The following HHAT variants were observed in gnomAD, a reference collection of about 807,000 sequenced individuals.
The protein encoded by HHAT is protein-cysteine N-palmitoyltransferase HHAT.
In HHAT, 47 loss-of-function variants were observed where a neutral mutation model predicts 70.8. That is an observed-to-expected ratio of 0.66 (90% CI 0.53 to 0.85). The LOEUF (loss-of-function observed/expected upper bound fraction) is 0.85, where lower values mean the gene tolerates loss of function less well. Among genes scored for constraint, HHAT ranks in the 40% least tolerant of loss-of-function variants. The pLI is 0.00. For missense variants in HHAT, 609 were observed against 604.8 expected (o/e 1.01, Z -0.07); for synonymous variants, 228 against 247.6 (o/e 0.92, Z 0.74).
intron 11 of HHAT, among the ~76,000 whole-genome samples, chr1:210,658,190 C>G (rs965523564): frequency 6.6e-6 from 1 of 152,136 alleles, no homozygotes; most frequent in African/African-American, 2.4e-5. Context: ...TGTTCCGGCC[C>G]ACATGCTGTC....
chr1:210,493,008 T>C (rs2094575212), intron 8 of HHAT, among the ~76,000 whole-genome samples: 1 of 152,132 alleles, frequency 6.6e-6, no homozygotes, highest in Non-Finnish European at 1.5e-5. Flanking sequence ...CTCATTTTTC[T>C]ACTAATGCCT....
intron 10 of HHAT, among the ~76,000 whole-genome samples, chr1:210,605,872 T>C (rs919442155): frequency 1.3e-5 from 2 of 152,104 alleles, no homozygotes; most frequent in African/African-American, 2.4e-5. Context: ...TTTTCCTCTT[T>C]TGAGGCAGAG....
intron 9 of HHAT, among the ~76,000 whole-genome samples, chr1:210,547,531 GC>G (rs1442158811): frequency 6.6e-6 from 1 of 152,096 alleles, no homozygotes; most frequent in Non-Finnish European, 1.5e-5. Flanking sequence ...TGTGATGAGG[GC>G]ATATTTATTT....
At chr1:210,514,536 T>C (rs548185114) in intron 9 of HHAT, among the ~76,000 whole-genome samples, 114 of 152,324 alleles carry the variant, frequency 7.5e-4, no homozygotes, top group African/African-American at 2.6e-3. Flanking sequence ...GTTCCCTTAA[T>C]GCCTTGTAGT....
At chr1:210,579,204 G>A (rs1305335749) in intron 9 of HHAT, among the ~76,000 whole-genome samples, 2 of 152,070 alleles carry the variant, frequency 1.3e-5, no homozygotes, top group African/African-American at 4.8e-5. Flanking sequence ...TTAATACATA[G>A]GTGATGAAAT....
intron 8 of HHAT, among the ~76,000 whole-genome samples, chr1:210,465,546 G>T (rs2094082704): frequency 6.6e-6 from 1 of 152,170 alleles, no homozygotes; most frequent in South Asian, 2.1e-4. Context: ...TTCTCACTAT[G>T]TTTCCCAGGC....
intron 3 of HHAT, among the ~76,000 whole-genome samples, chr1:210,364,681 A>C (rs2088717726): frequency 6.6e-6 from 1 of 152,174 alleles, no homozygotes; most frequent in South Asian, 2.1e-4. Flanking sequence ...GTCTTCACTG[A>C]CTTCCCAGCT....
At chr1:210,399,456 G>A (rs1446451585) in intron 4 of HHAT, among the ~76,000 whole-genome samples, 3 of 152,084 alleles carry the variant, frequency 2.0e-5, no homozygotes, top group African/African-American at 7.2e-5. Flanking sequence ...GTTTTGCCAT[G>A]TTGGTCAGGC....
chr1:210,414,550 A>G (rs937977797), intron 6 of HHAT, among the ~76,000 whole-genome samples: 1 of 152,152 alleles, frequency 6.6e-6, no homozygotes, highest in Non-Finnish European at 1.5e-5. Context: ...AAACATGGAG[A>G]AGAATACTCA....
intron 7 of HHAT, among the ~76,000 whole-genome samples, chr1:210,431,966 G>A (rs1419892431): frequency 1.3e-5 from 2 of 151,860 alleles, no homozygotes; most frequent in African/African-American, 4.9e-5. Context: ...CAATTAATTT[G>A]AGGCTTATGA....
intron 9 of HHAT, among the ~76,000 whole-genome samples, chr1:210,515,814 T>C (rs983292117): frequency 1.4e-5 from 2 of 144,680 alleles, no homozygotes; most frequent in Non-Finnish European, 1.5e-5. Flanking sequence ...ATGCCTGTAA[T>C]CCCAGCACTT....
At chr1:210,345,647 A>G (rs1411042556) in intron 1 of HHAT, among the ~76,000 whole-genome samples, 2 of 152,206 alleles carry the variant, frequency 1.3e-5, no homozygotes, top group Non-Finnish European at 2.9e-5. Flanking sequence ...TGTGACCAGA[A>G]ATATGCAGTA....
At chr1:210,458,784 T>C (rs2093921610) in intron 7 of HHAT, among the ~76,000 whole-genome samples, 1 of 152,168 alleles carries the variant, frequency 6.6e-6, no homozygotes, top group Admixed American at 6.5e-5. Context: ...CGCTCATTTG[T>C]GGAATAGAGC....
At chr1:210,340,242 G>GGGGGAAAAA (rs1553313987) in intron 1 of HHAT, among the ~76,000 whole-genome samples, 6 of 99,784 alleles carry the variant, frequency 6.0e-5, no homozygotes, top group African/African-American at 2.0e-4. Context: ...CTCTGTCTCA[G>GGGGGAAAAA]AAAAAAAAAA....
At chr1:210,444,896 G>C (rs960000133) in intron 7 of HHAT, among the ~76,000 whole-genome samples, 2 of 152,192 alleles carry the variant, frequency 1.3e-5, no homozygotes, top group African/African-American at 4.8e-5. Context: ...CTGGAGTGCA[G>C]TGGCACGATC....
intron 7 of HHAT, among the ~76,000 whole-genome samples, chr1:210,448,814 G>A (rs1406042012): frequency 1.3e-5 from 2 of 152,124 alleles, no homozygotes; most frequent in African/African-American, 2.4e-5. Flanking sequence ...CAGCAGTGAG[G>A]GTCTCCCAGC....
chr1:210,653,237 T>C (rs1675564187), intron 11 of HHAT, among the ~76,000 whole-genome samples: 1 of 152,150 alleles, frequency 6.6e-6, no homozygotes, highest in Non-Finnish European at 1.5e-5. Flanking sequence ...ACAATACATA[T>C]TTTAGAATGA....
intron 9 of HHAT, among the ~76,000 whole-genome samples, chr1:210,578,991 G>A (rs960450232): frequency 6.6e-6 from 1 of 152,172 alleles, no homozygotes; most frequent in East Asian, 1.9e-4. Context: ...AAAACAATGA[G>A]ATCATGTCCT....
intron 11 of HHAT, among the ~76,000 whole-genome samples, chr1:210,668,594 T>C (rs536023893): frequency 6.6e-6 from 1 of 152,226 alleles, no homozygotes; most frequent in African/African-American, 2.4e-5. Context: ...CATGTGGAAC[T>C]GTGAATCCAT....
Sources: allele counts gnomAD v4.1 joint callset (sites outside exome capture counted in the v4.1 genomes callset), GRCh38; gene constraint gnomAD v4.1.1; transcripts MANE v1.5; gene names NCBI Gene and HGNC (gene_info 2026-07-23, HGNC 2026-07-21).